Variants in DDX60L observed in about 807,000 individuals in gnomAD.
DDX60L encodes the protein DExD/H-box 60 like, also known as probable ATP-dependent RNA helicase DDX60-like.
A neutral mutation model predicts 211.6 loss-of-function variants in DDX60L; 191 were observed. The ratio of observed to expected loss-of-function variants is 0.90; its 90% CI spans 0.80 to 1.02. DDX60L has a LOEUF of 1.02. DDX60L is among the 50% of genes least tolerant of loss of function. The pLI is 0.00. For missense variants in DDX60L, 2,007 were observed against 1,984.1 expected, an observed-to-expected ratio of 1.01 and a Z score of -0.22; for synonymous variants, 706 against 694.1, an observed-to-expected ratio of 1.02 and a Z score of -0.27.
chr4:168,380,634 C>T (rs1282911868), intron 30 of DDX60L: 1 of 152,098 alleles, frequency 6.6e-6, no homozygotes, highest in Non-Finnish European at 1.5e-5. Flanking sequence ...TGTATAGCAG[C>T]GTGAGAATGA....
At chr4:168,404,712 AT>A (rs1177507102) in intron 24 of DDX60L, among the ~76,000 whole-genome samples, 6 of 152,234 alleles carry the variant, frequency 3.9e-5, no homozygotes, top group East Asian at 1.9e-4. Context: ...ATATTTGATA[AT>A]TTTTTTATAA....
intron 36 of DDX60L, among the ~76,000 whole-genome samples, chr4:168,362,201 T>G (rs1242376332): frequency 6.6e-6 from 1 of 152,240 alleles, no homozygotes; most frequent in African/African-American, 2.4e-5. Flanking sequence ...CAGCCCAGCA[T>G]GCATTTGCAT....
intron 25 of DDX60L, among the ~76,000 whole-genome samples, chr4:168,401,358 A>T (rs996849726): frequency 2.0e-5 from 3 of 152,192 alleles, no homozygotes; most frequent in Admixed American, 2.0e-4. Context: ...AAAATTTTTA[A>T]ATCTACCTGT....
intron 29 of DDX60L, among the ~76,000 whole-genome samples, chr4:168,386,059 A>G (rs1260676226): frequency 1.3e-5 from 2 of 152,110 alleles, no homozygotes; most frequent in Non-Finnish European, 2.9e-5. Flanking sequence ...TTGAATAGGG[A>G]AAGTTCTCAG....
At chr4:168,430,289 C>G (rs1752144650) in intron 13 of DDX60L, among the ~76,000 whole-genome samples, 189 bp downstream of exon 13, 1 of 152,114 alleles carries the variant, frequency 6.6e-6, no homozygotes, top group Admixed American at 6.5e-5. Context: ...AACTGTGAGC[C>G]AATTAAACCT....
intron 4 of DDX60L, among the ~76,000 whole-genome samples, chr4:168,466,794 T>C (rs557481502): frequency 6.6e-6 from 1 of 152,308 alleles, no homozygotes; most frequent in South Asian, 2.1e-4. Flanking sequence ...GGTCCATGTA[T>C]CCCCTTTTGG....
At chr4:168,472,626 C>T (rs934681168) in intron 2 of DDX60L, 70 bp downstream of exon 2, 6 of 1,591,086 alleles carry the variant, frequency 3.8e-6, no homozygotes, top group African/African-American at 1.3e-5. Flanking sequence ...TACTTTGTAA[C>T]ATTATTGAAT....
intron 26 of DDX60L, 153 bp from the exon 27 acceptor site, chr4:168,396,277 T>G (rs1745776688): frequency 3.3e-3 from 1,268 of 387,684 alleles, no homozygotes; most frequent in East Asian, 5.7e-3. Context: ...TCACGTGCAC[T>G]TCCACCATTT....
In DDX60L at chr4:168,476,619, G is replaced by T. The variant is rs1579911713; in HGVS notation, c.-111+3758C>A. On this transcript the variant is annotated intron_variant, in intron 1 of 37. Coordinates refer to ENST00000682922, the MANE Select transcript of DDX60L (RefSeq NM_001012967.3). ...AAGACATTTATACACCAACTGTAAT[G>T]TGAAGACTTTCTTTTGGATTCTGAT... Among the ~76,000 whole-genome samples the T allele has an allele frequency of 2.0e-5, 3 of 150,478 alleles. No homozygotes were observed. In the South Asian group the frequency reaches 6.4e-4, roughly 32 times the overall value.
chr4:168,375,470 G>A lies in DDX60L; in HGVS notation c.4540C>T (p.Leu1514=). The A allele has an allele frequency of 2.5e-6, 4 of 1,612,824 alleles. No individual in the cohort carries two copies. The highest frequency in any genetic ancestry group is 3.4e-6 in the Non-Finnish European group (4 of 1,179,444). Residue 1514 remains leucine, a synonymous_variant, in exon 34 of 38, where the codon CTG becomes TTG. Coordinates refer to ENST00000682922, the MANE Select transcript of DDX60L (RefSeq NM_001012967.3). The part of the protein sequence containing the change: ...DFKAALYEYN[L]AVMKDFASFL... Reference sequence around the variant, plus strand: ...GAGGCAAAATCCTTCATTACTGCCAGGTTATACTCATATAAAGCAGCTTTA... The same window carrying A: ...GAGGCAAAATCCTTCATTACTGCCAAGTTATACTCATATAAAGCAGCTTTA...
chr4:168,416,750 G>A lies in DDX60L; in HGVS notation c.2658C>T (p.Leu886=), dbSNP rs1207257025. The A allele has an allele frequency of 1.5e-5, 24 of 1,606,938 alleles. No homozygotes were observed. In the Admixed American group the frequency reaches 3.9e-4, roughly 26 times the overall value. ...REVGAKFWEL[L]LVIIRCPFLV... is the part of the protein sequence containing the mutation. ...AAAAGGGACATCGAATAATGACAAGGAGGAGCTCCCAAAATTTTGCTCCAA... is the reference window on the plus strand; with the variant it reads ...AAAAGGGACATCGAATAATGACAAGAAGGAGCTCCCAAAATTTTGCTCCAA... Residue 886 remains leucine, a synonymous_variant, in exon 20 of 38, where the codon CTC becomes CTT. Transcript: ENST00000682922.
chr4:168,421,319 A>G (rs1041779980), intron 17 of DDX60L, among the ~76,000 whole-genome samples: 3 of 152,216 alleles, frequency 2.0e-5, no homozygotes, highest in African/African-American at 7.2e-5. Flanking sequence ...TAATTGCAGT[A>G]ACTATAAATG....
chr4:168,438,489 C>A (rs1380544965), intron 10 of DDX60L, among the ~76,000 whole-genome samples: 4 of 152,132 alleles, frequency 2.6e-5, no homozygotes, highest in South Asian at 2.1e-4. Flanking sequence ...GCCACAGTCA[C>A]CCATATTAGC....
In DDX60L at chr4:168,432,435, A is replaced by C; in HGVS notation, c.1516+20T>G. The C allele has an allele frequency of 2.8e-6, 4 of 1,405,896 alleles. No individual in the cohort carries two copies. The highest frequency in any genetic ancestry group is 3.9e-6 in the Non-Finnish European group (4 of 1,033,022). The allele number at this position is 1,405,896 out of a possible 1,614,324, so 87.1% of individuals were successfully genotyped here. On this transcript the variant is annotated intron_variant, in intron 12 of 37. Transcript: ENST00000682922. ...AGGCAATTCATATAAGCTCTATTTT[A>C]TCGTGGTTACAGAGCTCACCATCAA...
At chr4:168,465,281 T>C (rs1035850749) in intron 4 of DDX60L, among the ~76,000 whole-genome samples, 26 of 152,148 alleles carry the variant, frequency 1.7e-4, no homozygotes, top group African/African-American at 6.0e-4. Context: ...GTTGGCTATT[T>C]GTATGTCTTC....
intron 5 of DDX60L, among the ~76,000 whole-genome samples, chr4:168,459,875 A>AC (rs1387744466): frequency 4.7e-5 from 7 of 149,872 alleles, no homozygotes; most frequent in East Asian, 2.0e-4. Context: ...AAAAAAAAAA[A>AC]ACCTGGGGAA....
intron 29 of DDX60L, among the ~76,000 whole-genome samples, chr4:168,385,026 C>A (rs1743622546): frequency 6.6e-6 from 1 of 152,142 alleles, no homozygotes. Flanking sequence ...TCTTTGGCCC[C>A]AGTTGCTGGC....
At chr4:168,420,231 A>C (rs1561031943) in intron 18 of DDX60L, 30 bp downstream of exon 18, 1 of 1,508,016 alleles carries the variant, frequency 6.6e-7, no homozygotes, top group Non-Finnish European at 8.9e-7. Flanking sequence ...CTATAATTTG[A>C]TAATAAACTC....
chr4:168,397,487 T>A (rs1273407437), intron 26 of DDX60L, among the ~76,000 whole-genome samples: 3 of 152,182 alleles, frequency 2.0e-5, no homozygotes, highest in African/African-American at 7.2e-5. Context: ...GCAATCATTA[T>A]AAACTTCAGA....
Sources: allele counts gnomAD v4.1 joint callset (sites outside exome capture counted in the v4.1 genomes callset), GRCh38; gene constraint gnomAD v4.1.1; transcripts MANE v1.5; gene names NCBI Gene and HGNC (gene_info 2026-07-23, HGNC 2026-07-21).